Variants in RELL1 observed in about 807,000 individuals in gnomAD.
RELL1 encodes RELT-like protein 1.
RELL1 carries 10 observed loss-of-function variants against 23.0 expected under a neutral mutation model. That is an observed-to-expected ratio of 0.43 (90% CI 0.27 to 0.74). RELL1 has a LOEUF of 0.74. RELL1 is among the 30% of genes least tolerant of loss of function. The pLI is 0.19. For missense variants in RELL1, 315 were observed against 364.4 expected (o/e 0.86, Z 1.10); for synonymous variants, 146 against 146.8 (o/e 0.99, Z 0.04).
At chr4:37,592,726 AC>A (rs1181132356) in intron 6 of RELL1, among the ~76,000 whole-genome samples, 3 of 152,188 alleles carry the variant, frequency 2.0e-5, no homozygotes. Context: ...GTATCCCTTT[AC>A]CCATCTGTAA....
At chr4:37,615,639 G>A (rs1001973791) in intron 6 of RELL1, among the ~76,000 whole-genome samples, 1 of 152,116 alleles carries the variant, frequency 6.6e-6, no homozygotes, top group African/African-American at 2.4e-5. Context: ...ATCTCTCTTC[G>A]GGAGAAATTT....
intron 1 of RELL1, among the ~76,000 whole-genome samples, chr4:37,671,216 A>C (rs931377603): frequency 3.9e-5 from 6 of 151,926 alleles, no homozygotes; most frequent in South Asian, 2.1e-4. Context: ...GCTTTCCATG[A>C]CCCCCCTCAA....
downstream of RELL1, chr4:37,590,506 G>A (rs2973275): frequency 0.22 from 351,089 of 1,613,678 alleles, 40,184 homozygotes; most frequent in Non-Finnish European, 0.24. Context: ...TGTGCTGCTG[G>A]CCTCAGAAGG....
At chr4:37,615,561 A>G (rs1230150488) in intron 6 of RELL1, among the ~76,000 whole-genome samples, 1 of 152,160 alleles carries the variant, frequency 6.6e-6, no homozygotes, top group Non-Finnish European at 1.5e-5. Flanking sequence ...GAGAGAGGAA[A>G]CACCCACCCA....
At chr4:37,625,718 A>G (rs1393100116) in intron 6 of RELL1, among the ~76,000 whole-genome samples, 1 of 152,196 alleles carries the variant, frequency 6.6e-6, no homozygotes, top group Non-Finnish European at 1.5e-5. Context: ...GTTAATAACA[A>G]TGTATTGTAT....
At chr4:37,683,975 G>A (rs1722315355) in intron 1 of RELL1, among the ~76,000 whole-genome samples, 1 of 152,002 alleles carries the variant, frequency 6.6e-6, no homozygotes, top group Non-Finnish European at 1.5e-5. Flanking sequence ...CAGCTACTCT[G>A]GAGGCTGAGG....
downstream of RELL1, among the ~76,000 whole-genome samples, chr4:37,607,614 C>G (rs954753034): frequency 2.1e-5 from 3 of 140,732 alleles, no homozygotes; most frequent in Admixed American, 2.2e-4. Context: ...GAGTCTTGCT[C>G]TGTCGCCCAG....
intron 6 of RELL1, among the ~76,000 whole-genome samples, chr4:37,596,224 G>C (rs1718840798): frequency 6.6e-6 from 1 of 152,114 alleles, no homozygotes; most frequent in African/African-American, 2.4e-5. Context: ...TCTCATCTGT[G>C]AAATGGGGAT....
chr4:37,590,208 G>A (rs1718528140), downstream of RELL1: 2 of 1,614,098 alleles, frequency 1.2e-6, no homozygotes, highest in Admixed American at 1.7e-5. Flanking sequence ...AAGTCTTGGT[G>A]CAGAAAAATG....
rs17577424 is a variant in RELL1 at position 37,610,947 on chromosome 4, A to G, written c.*2399T>C. ...TTCAGTATAAACCAGTAAAAAGCGT[A>G]TGTGTTGAAAATACTGAACGCTTAA... On this transcript the variant is annotated 3_prime_UTR_variant, in exon 7 of 7. Transcript: ENST00000454158. This position sits in a 1 kb window ranked among gnomAD's most constrained non-coding sequence, Gnocchi z 4.1. Among the ~76,000 whole-genome samples, 4,097 of 152,340 alleles carry G rather than the reference A, an allele frequency of 0.027. 217 individuals carry two copies. Among genetic ancestry groups the G allele is most frequent in the East Asian group, 0.14 (746 of 5,190 alleles).
rs1465786478 is a variant in RELL1 at position 37,633,784 on chromosome 4, CTA to C, written c.680+1101_680+1102del. On this transcript the variant is annotated intron_variant, in intron 5 of 6. Coordinates refer to ENST00000454158, the MANE Select transcript of RELL1 (RefSeq NM_001085400.2). ...CTCACCTAGTCTACACACAGCAACT[CTA>C]TGAGGTGAGTGTGACTGTCCTTCTC... Among the ~76,000 whole-genome samples, 9 of 152,334 alleles carry C rather than the reference CTA, an allele frequency of 5.9e-5. No individual in the cohort carries two copies. In the East Asian group the frequency reaches 1.7e-3, roughly 29 times the overall value.
intron 4 of RELL1, among the ~76,000 whole-genome samples, chr4:37,636,952 C>T (rs1055179261): frequency 3.3e-5 from 5 of 152,180 alleles, no homozygotes; most frequent in Non-Finnish European, 5.9e-5. Context: ...TTTAGGGATG[C>T]CTTCCTACCT....
At chr4:37,666,697 G>T (rs1414849797) in intron 1 of RELL1, among the ~76,000 whole-genome samples, 2 of 152,162 alleles carry the variant, frequency 1.3e-5, no homozygotes, top group East Asian at 3.9e-4. Context: ...ATAAGCCCTG[G>T]GGGTGAGTGA....
At chr4:37,661,495 G>A (rs1353610084) in intron 1 of RELL1, among the ~76,000 whole-genome samples, 1 of 152,118 alleles carries the variant, frequency 6.6e-6, no homozygotes, top group Non-Finnish European at 1.5e-5. Flanking sequence ...GCCCAGGCTG[G>A]TCTCAAATTC....
chr4:37,657,216 G>GA (rs1721147281), intron 1 of RELL1, among the ~76,000 whole-genome samples: 1 of 152,124 alleles, frequency 6.6e-6, no homozygotes, highest in South Asian at 2.1e-4. Flanking sequence ...AAATAAAATA[G>GA]AAAGAAAAAC....
chr4:37,647,671 C>T (rs1314210762), intron 2 of RELL1, among the ~76,000 whole-genome samples: 2 of 152,182 alleles, frequency 1.3e-5, no homozygotes, highest in African/African-American at 4.8e-5. Context: ...CAAATACTCA[C>T]TTTCCAAGAC....
At chr4:37,647,281 A>G in intron 3 of RELL1, 87 bp downstream of exon 3, 1 of 844,542 alleles carries the variant, frequency 1.2e-6, no homozygotes, top group Non-Finnish European at 2.0e-6. Context: ...TCAGTAAGAG[A>G]GTCTATATAA....
rs577271959 is a variant in RELL1, at chr4:37,665,752, T to G, written c.89-16252A>C. ...AGAAATGGGGTCAAAGGGGTGCTCC[T>G]TTAGGAAATCAGTGAATTCCCTGAA... On this transcript the variant is annotated intron_variant, in intron 1 of 6. Coordinates refer to ENST00000454158, the MANE Select transcript of RELL1 (RefSeq NM_001085400.2). Among the ~76,000 whole-genome samples the G allele has an allele frequency of 1.1e-4, 17 of 152,338 alleles. No homozygotes were observed. In the South Asian group the frequency reaches 2.5e-3, roughly 22 times the overall value.
chr4:37,668,876 C>T (rs1160605129), intron 1 of RELL1, among the ~76,000 whole-genome samples: 5 of 144,660 alleles, frequency 3.5e-5, no homozygotes, highest in African/African-American at 1.1e-4. Context: ...TCGCCTCGTC[C>T]GGGATGTGAG....
Sources: gnomAD v4.1 joint callset for allele counts (sites outside exome capture counted in the v4.1 genomes callset) on GRCh38, gnomAD v4.1.1 for gene constraint, Gnocchi (gnomAD v3.1) non-coding constraint, MANE v1.5 for transcripts, NCBI Gene and HGNC (gene_info 2026-07-23, HGNC 2026-07-21) for gene names.